Variants in FANCD2 observed in about 807,000 individuals in gnomAD.
FANCD2 encodes the protein Fanconi anemia group D2 protein.
Under a neutral mutation model 192.3 loss-of-function variants are expected in FANCD2, and 131 were observed. The observed-to-expected ratio is 0.68, with a 90% CI of 0.59 to 0.79. FANCD2 has a LOEUF of 0.79. Ranked by LOEUF, FANCD2 falls within the 30% of genes least tolerant of loss-of-function variation. FANCD2 has a pLI of 0.00. For missense variants in FANCD2, 1,508 were observed against 1,701.6 expected (o/e 0.89, Z 2.00); for synonymous variants, 524 against 612.5 (o/e 0.86, Z 2.13).
chr3:10,033,298 G>A (rs925673024), intron 3 of FANCD2, among the ~76,000 whole-genome samples: 1 of 152,084 alleles, frequency 6.6e-6, no homozygotes, highest in African/African-American at 2.4e-5. Context: ...CTGCTTGGGC[G>A]CCTGAGTCAG....
At chr3:10,028,508 A>G (rs2086512270) in intron 1 of FANCD2, 117 bp from the exon 2 acceptor site, 5 of 706,248 alleles carry the variant, frequency 7.1e-6, no homozygotes, top group South Asian at 6.4e-5. Flanking sequence ...AGGTAGCATT[A>G]ATATGGAGAT....
intron 21 of FANCD2, among the ~76,000 whole-genome samples, 161 bp from the exon 22 acceptor site, chr3:10,064,195 T>C (rs2347582): frequency 6.6e-6 from 1 of 152,064 alleles, no homozygotes; most frequent in East Asian, 1.9e-4. Context: ...AAGTGCTTTT[T>C]ATGCACTCTC....
intron 32 of FANCD2, 47 bp downstream of exon 32, chr3:10,081,511 T>C: frequency 8.0e-7 from 1 of 1,257,758 alleles, no homozygotes; most frequent in Non-Finnish European, 1.2e-6. Flanking sequence ...TACTTGCTTT[T>C]ATTTGACAGT....
intron 7 of FANCD2, 82 bp from the exon 8 acceptor site, chr3:10,039,197 A>T: frequency 1.0e-6 from 1 of 990,516 alleles, no homozygotes; most frequent in Non-Finnish European, 1.6e-6. Context: ...GGAATGGCTA[A>T]AATATTTTGT....
intron 10 of FANCD2, among the ~76,000 whole-genome samples, chr3:10,042,305 G>A (rs1479911743): frequency 6.6e-6 from 1 of 152,126 alleles, no homozygotes; most frequent in African/African-American, 2.4e-5. Flanking sequence ...GTAGCCAGTT[G>A]AGAATTTAGG....
chr3:10,074,964 G>A (rs1174213505), intron 29 of FANCD2, among the ~76,000 whole-genome samples: 1 of 152,096 alleles, frequency 6.6e-6, no homozygotes, highest in Non-Finnish European at 1.5e-5. Flanking sequence ...TTTTTGTAGA[G>A]GAGCACTCTT....
rs779808366 is a variant in FANCD2 at position 10,060,407 on chromosome 3, C to T, written c.1766+4C>T. ...CTGGCATCATGGCGGCAGACAGGTACACGTGGAGATTCTGACTTCTGTGGT... is the reference window on the plus strand; with the variant it reads ...CTGGCATCATGGCGGCAGACAGGTATACGTGGAGATTCTGACTTCTGTGGT... On this transcript the variant is annotated splice_donor_region_variant and intron_variant, in intron 19 of 43. Coordinates refer to ENST00000675286, the MANE Select transcript of FANCD2 (RefSeq NM_001018115.3). 6.2e-7 allele frequency: 1 copy of T among 1,606,790 alleles called. No homozygotes were observed. The highest frequency in any genetic ancestry group is 1.1e-5 in the South Asian group (1 of 90,960).
chr3:10,089,376 G>A (rs1433577150), intron 36 of FANCD2, among the ~76,000 whole-genome samples: 1 of 152,136 alleles, frequency 6.6e-6, no homozygotes, highest in Non-Finnish European at 1.5e-5. Flanking sequence ...GATACAGACA[G>A]TAGATATAAT....
At chr3:10,030,096 ATT>A (rs35086642) in intron 2 of FANCD2, among the ~76,000 whole-genome samples, 27,899 of 124,164 alleles carry the variant, frequency 0.22, 3,535 homozygotes, top group African/African-American at 0.39. Context: ...CCATTATATC[ATT>A]TTTTTTTTTT....
chr3:10,096,267 G>C, intron 41 of FANCD2, 59 bp from the exon 42 acceptor site: 2 of 1,570,762 alleles, frequency 1.3e-6, no homozygotes, highest in South Asian at 2.2e-5. Context: ...GTTTCTATAA[G>C]AAATGTGAAG....
intron 26 of FANCD2, among the ~76,000 whole-genome samples, chr3:10,070,512 T>TCC (rs1693165146): frequency 4.6e-5 from 1 of 21,764 alleles, no homozygotes; most frequent in Admixed American, 4.7e-4. Flanking sequence ...GTGGGGGGGG[T>TCC]CAGCCCCCTG....
chr3:10,087,656 C>CT (rs1221521355), intron 34 of FANCD2, among the ~76,000 whole-genome samples: 45 of 150,992 alleles, frequency 3.0e-4, no homozygotes, highest in Admixed American at 1.5e-3. Flanking sequence ...TGGCCTTTTT[C>CT]TTTTTTTTTG....
intron 29 of FANCD2, among the ~76,000 whole-genome samples, chr3:10,074,967 G>T (rs934078397): frequency 1.3e-5 from 2 of 152,128 alleles, no homozygotes; most frequent in Admixed American, 6.6e-5. Flanking sequence ...TTGTAGAGGA[G>T]CACTCTTCTG....
intron 42 of FANCD2, among the ~76,000 whole-genome samples, chr3:10,097,329 C>G (rs376820936): frequency 1.1e-4 from 16 of 152,130 alleles, no homozygotes; most frequent in Admixed American, 8.5e-4. Flanking sequence ...CCTAATAAGC[C>G]TGGGAGCGCT....
At chr3:10,091,278 G>A (rs1345575411) in intron 37 of FANCD2, among the ~76,000 whole-genome samples, 10 of 151,414 alleles carry the variant, frequency 6.6e-5, no homozygotes, top group Non-Finnish European at 1.3e-4. Flanking sequence ...GCGGGGTTTT[G>A]TCGTGTTGCT....
At position 10,039,738 on chromosome 3, in the gene FANCD2, C is replaced by T. The variant is rs1329768362; in HGVS notation, c.588C>T (p.Ile196=). 27 of 1,613,980 alleles carry T rather than the reference C, an allele frequency of 1.7e-5. No individual in the cohort carries two copies. The highest frequency in any genetic ancestry group is 2.3e-5 in the Non-Finnish European group (27 of 1,180,034). ...TACTGCAGGACCTCACCACCAAGAT[C>T]ATGCAGCTGATCAGTATTGCTCCAG... ...VVDGKDLTTK[I]MQLISIAPEN... is the part of the protein sequence containing the mutation. The change falls in exon 9 of 44, where the codon ATC becomes ATT. Residue 196 remains isoleucine, a synonymous_variant. Transcript: ENST00000675286.
chr3:10,097,974 T>A (rs955297532), intron 42 of FANCD2, among the ~76,000 whole-genome samples: 1 of 144,042 alleles, frequency 6.9e-6, no homozygotes, highest in South Asian at 2.1e-4. Context: ...TTTTAACTAA[T>A]GAGCATTTAT....
At chr3:10,063,767 A>C (rs758574242) in intron 20 of FANCD2, 25 bp from the exon 21 acceptor site, 1 of 1,614,068 alleles carries the variant, frequency 6.2e-7, no homozygotes, top group South Asian at 1.1e-5. Flanking sequence ...CCCAAGGTTT[A>C]AACCATTCTT....
chr3:10,081,795 G>A (rs1394921552), intron 32 of FANCD2, among the ~76,000 whole-genome samples: 1 of 152,084 alleles, frequency 6.6e-6, no homozygotes, highest in Non-Finnish European at 1.5e-5. Context: ...TGTGAGCTGG[G>A]CTATTCCATG....
Sources: gnomAD v4.1 joint callset for allele counts (sites outside exome capture counted in the v4.1 genomes callset) on GRCh38, gnomAD v4.1.1 for gene constraint, MANE v1.5 for transcripts, NCBI Gene and HGNC (gene_info 2026-07-23, HGNC 2026-07-21) for gene names.